The following SLC30A7 variants were observed in gnomAD, a reference collection of about 807,000 sequenced individuals.
The protein encoded by SLC30A7 is solute carrier family 30 member 7.
SLC30A7 carries 35 observed loss-of-function variants against 46.0 expected under a neutral mutation model. That is an observed-to-expected ratio of 0.76 (90% confidence interval 0.58 to 1.01). The LOEUF (loss-of-function observed/expected upper bound fraction) is 1.01, where lower values mean the gene tolerates loss of function less well. Among genes scored for constraint, SLC30A7 ranks in the 50% least tolerant of loss-of-function variants. The pLI is 0.00. For missense variants in SLC30A7, 464 were observed against 451.1 expected (o/e 1.03, Z -0.26); for synonymous variants, 147 against 157.8 (o/e 0.93, Z 0.51).
At chr1:100,908,437 C>T (rs976407949) in intron 3 of SLC30A7, among the ~76,000 whole-genome samples, 7 of 152,100 alleles carry the variant, frequency 4.6e-5, no homozygotes, top group African/African-American at 1.7e-4. Context: ...ACAATAATAG[C>T]TATATATTGT....
At chr1:100,905,239 A>T (rs868126370) in intron 2 of SLC30A7, among the ~76,000 whole-genome samples, 22 of 152,064 alleles carry the variant, frequency 1.4e-4, no homozygotes, top group Middle Eastern at 6.8e-3. Context: ...GCTCCATTGC[A>T]TTCTGGCTTG....
chr1:100,994,552 T>C, the SLC30A7 span, among the ~76,000 whole-genome samples: 2 of 151,796 alleles, frequency 1.3e-5, no homozygotes, highest in Non-Finnish European at 2.9e-5. Flanking sequence ...TTTTTTTTTT[T>C]TTCTCACTCT....
At chr1:100,994,553 T>G in the SLC30A7 span, among the ~76,000 whole-genome samples, 9 of 151,746 alleles carry the variant, frequency 5.9e-5, no homozygotes, top group African/African-American at 2.2e-4. Flanking sequence ...TTTTTTTTTT[T>G]TCTCACTCTG....
intron 8 of SLC30A7, chr1:100,941,498 G>A: frequency 9.8e-6 from 5 of 508,308 alleles, no homozygotes; most frequent in South Asian, 7.9e-5. Context: ...CTTATCCACA[G>A]TCATGCTTAC....
At position 100,911,340 on chromosome 1, in the gene SLC30A7, G is replaced by C. The variant is rs76298551; in HGVS notation, c.384+190G>C. ...AATATATATGAATCTTCTTGGAATT[G>C]AAAACAATTAAATGATAGTGCTTTA... On this transcript the variant is annotated intron_variant, in intron 4 of 10. Transcript: ENST00000357650. Among the ~76,000 whole-genome samples, 979 of 152,138 alleles carry C rather than the reference G, an allele frequency of 6.4e-3. 11 individuals carry two copies. The highest frequency in any genetic ancestry group is 0.022 in the African/African-American group (911 of 41,502).
At chr1:100,925,504 T>C (rs538164082) in intron 8 of SLC30A7, among the ~76,000 whole-genome samples, 149 of 152,268 alleles carry the variant, frequency 9.8e-4, no homozygotes, top group African/African-American at 3.4e-3. Context: ...GGTGGCTTGG[T>C]CTTAGGTACT....
intron 8 of SLC30A7, chr1:100,941,526 T>C (rs1654347878): frequency 1.9e-6 from 1 of 539,882 alleles, no homozygotes; most frequent in East Asian, 4.6e-5. Context: ...AAGCCTTTTT[T>C]CTTGCCATTG....
At chr1:100,899,968 A>G (rs1355995812) in intron 2 of SLC30A7, among the ~76,000 whole-genome samples, 4 of 152,124 alleles carry the variant, frequency 2.6e-5, no homozygotes, top group African/African-American at 4.8e-5. Context: ...ACTAAGGAAG[A>G]AAGAGAATAT....
chr1:100,922,956 C>T (rs1296072287), intron 8 of SLC30A7, among the ~76,000 whole-genome samples: 1 of 145,836 alleles, frequency 6.9e-6, no homozygotes, highest in African/African-American at 2.5e-5. Context: ...CTAAGATCTG[C>T]TAGAGGCCAG....
intron 6 of SLC30A7, among the ~76,000 whole-genome samples, chr1:100,915,866 T>C (rs1652509903): frequency 6.6e-6 from 1 of 152,180 alleles, no homozygotes. Flanking sequence ...CCATAGTGTC[T>C]GCACCAGTTT....
chr1:100,899,302 A>G lies in SLC30A7; in HGVS notation c.182+2631A>G, dbSNP rs78245168. ...ATTAATGTATGGAATTACACTACCT[A>G]TACTAAAAATGGTAACTACCCCGTT... On this transcript the variant is annotated intron_variant, in intron 2 of 10. Coordinates refer to ENST00000357650, the MANE Select transcript of SLC30A7 (RefSeq NM_133496.5). Among the ~76,000 whole-genome samples, 953 of 152,356 alleles carry G rather than the reference A, an allele frequency of 6.3e-3. 9 individuals carry two copies. Among genetic ancestry groups the G allele is most frequent in the African/African-American group, 0.021 (888 of 41,596 alleles).
At chr1:100,956,577 G>A (rs1260261360) in intron 8 of SLC30A7, among the ~76,000 whole-genome samples, 1 of 152,114 alleles carries the variant, frequency 6.6e-6, no homozygotes, top group East Asian at 1.9e-4. Flanking sequence ...TATTATAGAT[G>A]GGATTCACCA....
intron 9 of SLC30A7, among the ~76,000 whole-genome samples, chr1:100,963,386 G>C (rs1290021733): frequency 6.6e-6 from 1 of 152,050 alleles, no homozygotes; most frequent in Admixed American, 6.5e-5. Flanking sequence ...GGTCAAGGAG[G>C]GTAAAAACAA....
intron 2 of SLC30A7, among the ~76,000 whole-genome samples, chr1:100,901,397 GT>G (rs1245186986): frequency 1.3e-5 from 2 of 151,952 alleles, no homozygotes; most frequent in Non-Finnish European, 2.9e-5. Flanking sequence ...ATTGACATTT[GT>G]GCTGTTTTTG....
chr1:100,991,780 C>A, the SLC30A7 span, among the ~76,000 whole-genome samples: 1 of 83,138 alleles, frequency 1.2e-5, no homozygotes, highest in South Asian at 2.8e-4. Flanking sequence ...CAAAGCAAGA[C>A]CCCATCTCAA....
chr1:100,918,573 C>G (rs991589187), intron 7 of SLC30A7, among the ~76,000 whole-genome samples: 19 of 151,982 alleles, frequency 1.3e-4, no homozygotes, highest in Non-Finnish European at 2.9e-5. Context: ...CCTAATAAAC[C>G]CGTGGTAAAT....
chr1:100,901,324 G>GT (rs71084854), intron 2 of SLC30A7, among the ~76,000 whole-genome samples: 13,587 of 151,998 alleles, frequency 0.089, 742 homozygotes, highest in Middle Eastern at 0.22. Flanking sequence ...CCCTTCCTTT[G>GT]TTTTTGCCTC....
At position 100,975,400 on chromosome 1, in the gene SLC30A7, G is replaced by A. The variant is rs1217816516; in HGVS notation, c.*543G>A. ...GACGTTCTTCAGTATAATCATGTTTGTTAAATTGTTTGTACCTTGCAAACT... is the reference window on the plus strand; with the variant it reads ...GACGTTCTTCAGTATAATCATGTTTATTAAATTGTTTGTACCTTGCAAACT... On this transcript the variant is annotated 3_prime_UTR_variant, in exon 11 of 11. Transcript: ENST00000357650. 1 of 152,590 alleles carries A rather than the reference G, an allele frequency of 6.6e-6. No individual in the cohort carries two copies. Among genetic ancestry groups the A allele is most frequent in the African/African-American group, 2.4e-5 (1 of 41,404 alleles). 9.5% of individuals were successfully genotyped at this position (152,590 alleles called of 1,614,324 possible).
At chr1:100,916,704 C>CTTTTTTTTT (rs33980397) in intron 6 of SLC30A7, among the ~76,000 whole-genome samples, 6 of 92,320 alleles carry the variant, frequency 6.5e-5, no homozygotes, top group South Asian at 3.8e-4. Flanking sequence ...TTCATTCATT[C>CTTTTTTTTT]TTTTTTTTTT....
Sources: allele counts gnomAD v4.1 joint callset (sites outside exome capture counted in the v4.1 genomes callset), GRCh38; gene constraint gnomAD v4.1.1; transcripts MANE v1.5; gene names NCBI Gene and HGNC (gene_info 2026-07-23, HGNC 2026-07-21).